The following PSME4 variants were observed in gnomAD, a reference collection of about 807,000 sequenced individuals.
PSME4 encodes the protein proteasome activator complex subunit 4.
Under a neutral mutation model 253.9 loss-of-function variants are expected in PSME4, and 89 were observed. The observed-to-expected ratio is 0.35, with a 90% CI of 0.30 to 0.42. The LOEUF (loss-of-function observed/expected upper bound fraction) is 0.42, where lower values mean the gene tolerates loss of function less well. Among genes scored for constraint, PSME4 ranks in the 10% least tolerant of loss-of-function variants. The pLI is 1.00. For missense variants in PSME4, 2,014 were observed against 2,195.2 expected (o/e 0.92, Z 1.65); for synonymous variants, 851 against 759.2 (o/e 1.12, Z -1.99).
intron 6 of PSME4, 49 bp from the exon 7 acceptor site, chr2:53,936,210 T>C (rs1558700815): frequency 6.2e-7 from 1 of 1,608,236 alleles, no homozygotes; most frequent in Non-Finnish European, 8.5e-7. Flanking sequence ...TGTTATTGTT[T>C]AAGTGTCATA....
rs755227759 is a variant in PSME4, at chr2:53,919,163, G to T, written c.2504C>A (p.Pro835Gln). Residue 835 changes from proline (P) to glutamine (Q), a missense_variant, in exon 20 of 47, where the codon CCA becomes CAA. Around this residue, in one of 4 missense-constraint regions of PSME4, gnomAD observed 989 missense variants for 1,021.1 expected, o/e 0.97. Coordinates refer to ENST00000404125, the MANE Select transcript of PSME4 (RefSeq NM_014614.3). ...TATTTTTACTTACAAGTTAGTAACT[G>T]GCTCTCCTTTCAACGGAGGTAGGAG... ...GNLLPPLKGE[P>Q]VTNLVPSMVS... 1 of 1,611,786 alleles carries T rather than the reference G, an allele frequency of 6.2e-7. No individual in the cohort carries two copies. Among genetic ancestry groups the T allele is most frequent in the African/African-American group, 1.3e-5 (1 of 74,882 alleles).
rs142623950 is a variant in PSME4 at position 53,899,892 on chromosome 2, G to A, written c.3411C>T (p.Ala1137=). ...EGIKRQQEKN[A]DALRNYENLV... ...CATTCATCAATTACCTTAGGGCATC[G>A]GCATTCTTTTCCTGTTGGCGTTTAA... The change falls in exon 29 of 47, where the codon GCC becomes GCT. Residue 1137 remains alanine (A), a synonymous_variant. Coordinates refer to ENST00000404125, the MANE Select transcript of PSME4 (RefSeq NM_014614.3). 450 of 1,613,540 alleles carry A rather than the reference G, an allele frequency of 2.8e-4. No homozygotes were observed. The highest frequency in any genetic ancestry group is 3.5e-4 in the Non-Finnish European group (415 of 1,179,732).
Position 53,925,700 on chromosome 2 carries a change from C to G in PSME4, c.1659-11G>C. ...ATAAGTCCAAAACATCTAAATAATC[C>G]AAACAAAGCATAATTTCAGCAACTA... On this transcript the variant is annotated splice_polypyrimidine_tract_variant and intron_variant, in intron 13 of 46. Coordinates refer to ENST00000404125, the MANE Select transcript of PSME4 (RefSeq NM_014614.3). 1.3e-6 allele frequency: 2 copies of G among 1,591,224 alleles called. No homozygotes were observed. The highest frequency in any genetic ancestry group is 2.2e-5 in the South Asian group (2 of 89,878).
chr2:53,922,746 T>C (rs1381625369), intron 16 of PSME4, among the ~76,000 whole-genome samples, 162 bp from the exon 17 acceptor site: 4 of 152,094 alleles, frequency 2.6e-5, no homozygotes, highest in African/African-American at 7.2e-5. Context: ...CAAAAGGAGG[T>C]AGAAACAGAA....
chr2:53,953,324 CA>C (rs912887637), intron 1 of PSME4, among the ~76,000 whole-genome samples: 2 of 151,356 alleles, frequency 1.3e-5, no homozygotes, highest in Non-Finnish European at 2.9e-5. Flanking sequence ...AACTCATATC[CA>C]AATTACTAGT....
chr2:53,937,058 C>G (rs1289409699), intron 5 of PSME4, among the ~76,000 whole-genome samples: 1 of 152,154 alleles, frequency 6.6e-6, no homozygotes, highest in Non-Finnish European at 1.5e-5. Flanking sequence ...TGCTTCATTA[C>G]TAAGTACTGT....
intron 11 of PSME4, 94 bp downstream of exon 11, chr2:53,928,023 A>G: frequency 2.5e-6 from 2 of 800,234 alleles, no homozygotes; most frequent in South Asian, 4.3e-5. Context: ...TATTTATATT[A>G]GGCTTATGCA....
chr2:53,940,683 G>A (rs1176841857), intron 3 of PSME4, among the ~76,000 whole-genome samples: 2 of 150,758 alleles, frequency 1.3e-5, no homozygotes, highest in African/African-American at 4.9e-5. Flanking sequence ...TGACCAGAAT[G>A]GAATATTTAA....
intron 34 of PSME4, 61 bp downstream of exon 34, chr2:53,894,946 T>G: frequency 9.0e-5 from 125 of 1,395,120 alleles, no homozygotes; most frequent in Non-Finnish European, 1.2e-4. Context: ...GAAGTGAGGT[T>G]GAGATAAATC....
chr2:53,866,889 A>C lies in PSME4; in HGVS notation c.5264-9T>G, dbSNP rs778053040. 91 of 1,610,986 alleles carry C rather than the reference A, an allele frequency of 5.6e-5. No homozygotes were observed. The highest frequency in any genetic ancestry group is 1.0e-4 in the Admixed American group (6 of 59,352). On this transcript the variant is annotated splice_polypyrimidine_tract_variant and intron_variant, in intron 44 of 46. Coordinates refer to ENST00000404125, the MANE Select transcript of PSME4 (RefSeq NM_014614.3). ...ATGGCGTTTGACCAACTCTGCAAAG[A>C]GAATAGCAACATTTGTGCAAATATA... is the stretch of plus-strand genomic sequence containing the variant.
At chr2:53,904,515 T>G (rs1391918641) in intron 26 of PSME4, among the ~76,000 whole-genome samples, 3 of 152,238 alleles carry the variant, frequency 2.0e-5, no homozygotes, top group Admixed American at 2.0e-4. Context: ...TTTTCTCTTA[T>G]GTCCACATGA....
intron 1 of PSME4, among the ~76,000 whole-genome samples, chr2:53,962,533 C>A (rs558487486): frequency 5.9e-5 from 9 of 152,296 alleles, no homozygotes; most frequent in African/African-American, 1.9e-4. Context: ...GATCTCAGAA[C>A]ATCAAACGGT....
rs1426520319 is a variant in PSME4, at chr2:53,895,613, T to C, written c.3812A>G (p.Lys1271Arg). ...CCAGGTGTAGTATCCCCAGTGAGTT[T>C]TTTCCACAAAGCAACTTGACTCCCA... is the stretch of plus-strand genomic sequence containing the variant. ...KEWESSCFVEKTHWGYYTWPK... is the reference protein window; with the variant it reads ...KEWESSCFVERTHWGYYTWPK... Residue 1271 changes from lysine to arginine, a missense_variant, in exon 33 of 47, where the codon AAA (lysine) becomes AGA (arginine). Lys to Arg is a conservative substitution (Grantham distance 26). Transcript: ENST00000404125. 1 of 1,613,126 alleles carries C rather than the reference T, an allele frequency of 6.2e-7. No individual in the cohort carries two copies. Among genetic ancestry groups the C allele is most frequent in the African/African-American group, 1.3e-5 (1 of 74,866 alleles).
intron 41 of PSME4, among the ~76,000 whole-genome samples, chr2:53,876,006 C>T (rs1412658861): frequency 2.0e-5 from 3 of 152,278 alleles, no homozygotes; most frequent in Non-Finnish European, 4.4e-5. Flanking sequence ...TGAAGCAAAT[C>T]CCTGACTGTT....
intron 4 of PSME4, among the ~76,000 whole-genome samples, chr2:53,939,434 T>A (rs541538047): frequency 6.6e-6 from 1 of 152,142 alleles, no homozygotes; most frequent in East Asian, 1.9e-4. Context: ...CATATGAATA[T>A]AGGATAATTG....
intron 37 of PSME4, among the ~76,000 whole-genome samples, 161 bp from the exon 38 acceptor site, chr2:53,888,973 C>A (rs114959910): frequency 6.6e-6 from 1 of 152,146 alleles, no homozygotes; most frequent in African/African-American, 2.4e-5. Flanking sequence ...TCAAGTAATC[C>A]ACCCGCCTCG....
chr2:53,947,639 G>C (rs1312371107), intron 3 of PSME4, among the ~76,000 whole-genome samples: 1 of 152,104 alleles, frequency 6.6e-6, no homozygotes, highest in African/African-American at 2.4e-5. Context: ...CCTGGAGGTG[G>C]AGCTTGCAGT....
intron 20 of PSME4, among the ~76,000 whole-genome samples, chr2:53,912,202 C>T (rs1042232853): frequency 9.2e-5 from 14 of 152,076 alleles, no homozygotes; most frequent in Admixed American, 6.5e-5. Flanking sequence ...GAAATCTACA[C>T]ATATGGAGGG....
In PSME4 at chr2:53,896,905, C is replaced by A; in HGVS notation, c.3607-20G>T. On this transcript the variant is annotated intron_variant, in intron 31 of 46. Coordinates refer to ENST00000404125, the MANE Select transcript of PSME4 (RefSeq NM_014614.3). ...AGCCATCTAGAAAAGGAAAAAGGTA[C>A]ACATTCATAAAAAAAAGTTTAAATC... 1.3e-6 allele frequency: 2 copies of A among 1,570,028 alleles called. No individual in the cohort carries two copies. Among genetic ancestry groups the A allele is most frequent in the Non-Finnish European group, 1.8e-6 (2 of 1,141,552 alleles).
Sources: gnomAD v4.1 joint callset for allele counts (sites outside exome capture counted in the v4.1 genomes callset) on GRCh38, gnomAD v4.1.1 for gene constraint, gnomAD v4.1.1 regional missense constraint, MANE v1.5 for transcripts, NCBI Gene and HGNC (gene_info 2026-07-23, HGNC 2026-07-21) for gene names.